CACNA1D: variants seen among roughly 807,000 people sequenced by gnomAD.
The protein encoded by CACNA1D is voltage-dependent L-type calcium channel subunit alpha-1D.
A neutral mutation model predicts 257.1 loss-of-function variants in CACNA1D; 55 were observed. The observed-to-expected ratio is 0.21, with a 90% CI of 0.17 to 0.27. CACNA1D has a LOEUF of 0.27. Ranked by LOEUF, CACNA1D falls within the 10% of genes least tolerant of loss-of-function variation. CACNA1D has a pLI of 1.00. For missense variants in CACNA1D, 1,876 were observed against 2,784.0 expected (o/e 0.67, Z 7.34); for synonymous variants, 980 against 1,014.9 (o/e 0.97, Z 0.65).
Position 53,673,131 on chromosome 3 carries a change from G to C in CACNA1D, c.1220+5G>C. On this transcript the variant is annotated splice_donor_5th_base_variant and intron_variant, in intron 8 of 47. Coordinates refer to ENST00000350061, the MANE Select transcript of CACNA1D (RefSeq NM_001128840.3). The surrounding 1 kb of genome is among the most constrained non-coding windows in gnomAD (Gnocchi z 4.1). ...TGTACTTGGTGTATTGAGCGGGTAA[G>C]CTACACCTCTTTCATCTTGAAAGCA... 6.5e-7 allele frequency: 1 copy of C among 1,532,050 alleles called. No homozygotes were observed. Among genetic ancestry groups the C allele is most frequent in the South Asian group, 1.2e-5 (1 of 83,638 alleles). The allele number at this position is 1,532,050 out of a possible 1,614,324, so 94.9% of individuals were successfully genotyped here.
intron 3 of CACNA1D, among the ~76,000 whole-genome samples, chr3:53,574,145 C>T (rs759503416): frequency 3.7e-4 from 56 of 152,214 alleles, no homozygotes; most frequent in Non-Finnish European, 7.3e-4. Context: ...TGTTTCCACA[C>T]GTTTCAGGTT....
chr3:53,630,698 A>G (rs1380372746), intron 3 of CACNA1D, among the ~76,000 whole-genome samples: 1 of 152,230 alleles, frequency 6.6e-6, no homozygotes, highest in African/African-American at 2.4e-5. Context: ...CAAGTTGGTT[A>G]AAAGGAAATC....
chr3:53,718,597 G>A (rs946794119), intron 10 of CACNA1D: 14 of 231,232 alleles, frequency 6.1e-5, no homozygotes, highest in Middle Eastern at 1.0e-3. Context: ...CCCGCCCCCC[G>A]GCCCAGCATT....
chr3:53,628,335 T>C (rs1317563533), intron 3 of CACNA1D, among the ~76,000 whole-genome samples: 2 of 152,224 alleles, frequency 1.3e-5, no homozygotes, highest in East Asian at 1.9e-4. Flanking sequence ...TTTAAGGCCA[T>C]TGTAAGCTCC....
At chr3:53,678,916 T>C (rs569278996) in intron 8 of CACNA1D, 1 of 152,082 alleles carries the variant, frequency 6.6e-6, no homozygotes, top group African/African-American at 2.4e-5. Flanking sequence ...ATTTTCTAAG[T>C]GGAGACATAT....
chr3:53,748,151 A>G (rs2095189415), intron 26 of CACNA1D, among the ~76,000 whole-genome samples: 2 of 152,242 alleles, frequency 1.3e-5, no homozygotes, highest in Admixed American at 1.3e-4. Flanking sequence ...GGGTAAAGTA[A>G]GAAGAGCAGG....
chr3:53,506,827 A>G (rs1003368283), intron 3 of CACNA1D, among the ~76,000 whole-genome samples: 1 of 152,212 alleles, frequency 6.6e-6, no homozygotes, highest in African/African-American at 2.4e-5. Flanking sequence ...TGTAAGTTAT[A>G]AACCTGTCTT....
At position 53,783,567 on chromosome 3, in the gene CACNA1D, T is replaced by C. The variant is rs2095437231; in HGVS notation, c.4792+1900T>C. On this transcript the variant is annotated intron_variant, in intron 39 of 47. Coordinates refer to ENST00000350061, the MANE Select transcript of CACNA1D (RefSeq NM_001128840.3). The stretch of plus-strand genomic sequence containing the variant: ...GGGCCTTAGGAGGGATGCAAGGCTT[T>C]GCAAGCTCCCTGCCTGTGTTGAGTG... Among the ~76,000 whole-genome samples the C allele has an allele frequency of 1.3e-5, 2 of 152,212 alleles. 1 individual carries two copies. Among genetic ancestry groups the C allele is most frequent in the South Asian group, 4.1e-4 (2 of 4,830 alleles).
At chr3:53,616,057 T>C (rs998094134) in intron 3 of CACNA1D, among the ~76,000 whole-genome samples, 19 of 152,210 alleles carry the variant, frequency 1.2e-4, no homozygotes, top group African/African-American at 4.6e-4. Context: ...AGGTTTAGAC[T>C]TGATGATCCT....
rs1190048137 is a variant in CACNA1D, at chr3:53,495,586, G to C, written c.67+353G>C. Among the ~76,000 whole-genome samples, 4 of 152,146 alleles carry C rather than the reference G, an allele frequency of 2.6e-5. No individual in the cohort carries two copies. The highest frequency in any genetic ancestry group is 5.9e-5 in the Non-Finnish European group (4 of 68,024). Reference sequence around the variant, plus strand: ...GCAGGAGGGCCGCAAGTCTTCAGCCGGAGCCCCCTTGCCAGCCTCTTCTCG... The same window carrying C: ...GCAGGAGGGCCGCAAGTCTTCAGCCCGAGCCCCCTTGCCAGCCTCTTCTCG... On this transcript the variant is annotated intron_variant, in intron 1 of 47. Coordinates refer to ENST00000350061, the MANE Select transcript of CACNA1D (RefSeq NM_001128840.3). The surrounding 1 kb of genome is among the most constrained non-coding windows in gnomAD (Gnocchi z 5.1).
chr3:53,594,913 A>G (rs1021875501), intron 3 of CACNA1D, among the ~76,000 whole-genome samples: 4 of 152,266 alleles, frequency 2.6e-5, no homozygotes, highest in South Asian at 4.1e-4. Context: ...GATTGAGGAA[A>G]AAATGACAGG....
intron 7 of CACNA1D, among the ~76,000 whole-genome samples, chr3:53,671,185 C>T (rs1040557428): frequency 1.9e-4 from 29 of 152,186 alleles, no homozygotes; most frequent in Non-Finnish European, 1.5e-5. Flanking sequence ...GTAGAGAAGA[C>T]AGCTGTTACT....
At chr3:53,633,164 T>A (rs1313467941) in intron 3 of CACNA1D, among the ~76,000 whole-genome samples, 1 of 152,222 alleles carries the variant, frequency 6.6e-6, no homozygotes, top group Non-Finnish European at 1.5e-5. Context: ...CATTATCTCA[T>A]GTACTCCTTT....
In CACNA1D at chr3:53,749,481, A is replaced by G; in HGVS notation, c.3516+12A>G. The G allele has an allele frequency of 6.3e-7, 1 of 1,595,552 alleles. No individual in the cohort carries two copies. Among genetic ancestry groups the G allele is most frequent in the Non-Finnish European group, 8.6e-7 (1 of 1,163,198 alleles). ...TGGACAAAAATCAGGTTAAAGTCACACACTGTTTTGGCTTCTGTCCCTTGG... is the reference window on the plus strand; with the variant it reads ...TGGACAAAAATCAGGTTAAAGTCACGCACTGTTTTGGCTTCTGTCCCTTGG... On this transcript the variant is annotated intron_variant, in intron 27 of 47. Coordinates refer to ENST00000350061, the MANE Select transcript of CACNA1D (RefSeq NM_001128840.3).
At chr3:53,699,826 GT>G (rs2094604651) in intron 8 of CACNA1D, among the ~76,000 whole-genome samples, 1 of 152,058 alleles carries the variant, frequency 6.6e-6, no homozygotes, top group Non-Finnish European at 1.5e-5. Flanking sequence ...ACTTGGCAGG[GT>G]TTTTTACTCC....
In CACNA1D at chr3:53,533,777, A is replaced by G. The variant is rs563516120; in HGVS notation, c.483+32057A>G. On this transcript the variant is annotated intron_variant, in intron 3 of 47. Transcript: ENST00000350061. ...ATTTTGGGCATAGTTACTAGGTGTC[A>G]CTGTCTCCTTTTTTCAGCCTGGCTT... 5.9e-4 allele frequency among the ~76,000 whole-genome samples: 90 copies of G among 152,142 alleles called. 1 individual carries two copies. The highest frequency in any genetic ancestry group is 1.0e-3 in the Non-Finnish European group (71 of 67,982).
intron 3 of CACNA1D, among the ~76,000 whole-genome samples, chr3:53,624,836 G>A (rs1473310563): frequency 6.6e-6 from 1 of 152,188 alleles, no homozygotes; most frequent in Non-Finnish European, 1.5e-5. Context: ...TTGTGTAGGG[G>A]CAAACAGCGA....
chr3:53,710,875 T>C (rs2094746802), intron 9 of CACNA1D, among the ~76,000 whole-genome samples: 1 of 152,236 alleles, frequency 6.6e-6, no homozygotes, highest in African/African-American at 2.4e-5. Context: ...AAATTGCTTC[T>C]CTGTCTTTTA....
Position 53,592,008 on chromosome 3 carries a change from G to T in CACNA1D, c.484-58771G>T, listed in dbSNP as rs2093312412. Among the ~76,000 whole-genome samples, 6 of 152,280 alleles carry T rather than the reference G, an allele frequency of 3.9e-5. No homozygotes were observed. In the South Asian group the frequency reaches 1.2e-3, roughly 32 times the overall value. Reference sequence around the variant, plus strand: ...CCTTGATTCTTCTGTACGCTAGGGTGTCATTTCTCTCGTTCCTTCAGCAGT... The same window carrying T: ...CCTTGATTCTTCTGTACGCTAGGGTTTCATTTCTCTCGTTCCTTCAGCAGT... On this transcript the variant is annotated intron_variant, in intron 3 of 47. Transcript: ENST00000350061.
Sources: allele counts gnomAD v4.1 joint callset (sites outside exome capture counted in the v4.1 genomes callset), GRCh38; gene constraint gnomAD v4.1.1; non-coding constraint Gnocchi (gnomAD v3.1); transcripts MANE v1.5; gene names NCBI Gene and HGNC (gene_info 2026-07-23, HGNC 2026-07-21).